The following RIPOR2 variants were observed in gnomAD, a reference collection of about 807,000 sequenced individuals.
The protein encoded by RIPOR2 is RHO family interacting cell polarization regulator 2, also known as rho family-interacting cell polarization regulator 2.
Under a neutral mutation model 114.5 loss-of-function variants are expected in RIPOR2, and 39 were observed. That is an observed-to-expected ratio of 0.34 (90% CI 0.26 to 0.44). The LOEUF is 0.44. RIPOR2 is among the 20% of genes least tolerant of loss of function. The pLI, the probability that RIPOR2 is intolerant of heterozygous loss-of-function variation, is 1.00. For missense variants in RIPOR2, 1,007 were observed against 1,255.1 expected (o/e 0.80, Z 2.99); for synonymous variants, 445 against 484.4 (o/e 0.92, Z 1.07).
intron 2 of RIPOR2, among the ~76,000 whole-genome samples, chr6:24,875,176 C>T (rs1480383492): frequency 6.6e-6 from 1 of 152,198 alleles, no homozygotes; most frequent in Non-Finnish European, 1.5e-5. Context: ...AACAGAAAAA[C>T]TGAAGATAAA....
Position 24,843,364 on chromosome 6 carries a change from G to C in RIPOR2, c.1355C>G (p.Ser452Cys). ...GGTGTCATCCATACCCTCATTCTGG[G>C]AGGCCAAGCTGCTGAGGTTAAACTC... is the stretch of plus-strand genomic sequence containing the variant. ...PAEFNLSSLASQNEGMDDTSS... is the reference protein window; with the variant it reads ...PAEFNLSSLACQNEGMDDTSS... The change falls in exon 13 of 22, where the codon TCC (serine) becomes TGC (cysteine). Residue 452 changes from serine (S) to cysteine (C), a missense_variant. Coordinates refer to ENST00000643898, the MANE Select transcript of RIPOR2 (RefSeq NM_001286445.3). The C allele has an allele frequency of 6.2e-7, 1 of 1,613,940 alleles. No homozygotes were observed. Among genetic ancestry groups the C allele is most frequent in the Non-Finnish European group, 8.5e-7 (1 of 1,179,888 alleles).
chr6:24,884,252 A>G (rs1766604406), intron 1 of RIPOR2, among the ~76,000 whole-genome samples: 1 of 151,946 alleles, frequency 6.6e-6, no homozygotes, highest in Admixed American at 6.6e-5. Flanking sequence ...TACTAAAAAT[A>G]CAAAAAATTA....
chr6:24,832,638 A>G (rs563220297), intron 15 of RIPOR2, among the ~76,000 whole-genome samples: 1 of 152,300 alleles, frequency 6.6e-6, no homozygotes, highest in East Asian at 1.9e-4. Context: ...TAGGTCTACA[A>G]GGTTATTATA....
intron 1 of RIPOR2, among the ~76,000 whole-genome samples, chr6:24,963,536 CAT>C (rs1432710406): frequency 6.6e-6 from 1 of 152,038 alleles, no homozygotes; most frequent in African/African-American, 2.4e-5. Flanking sequence ...GAAATGGACA[CAT>C]ATATGTACAT....
chr6:24,884,868 A>G (rs1023955420), intron 1 of RIPOR2, among the ~76,000 whole-genome samples: 1 of 152,246 alleles, frequency 6.6e-6, no homozygotes, highest in Non-Finnish European at 1.5e-5. Flanking sequence ...GCTTTACAAA[A>G]GGCAAAGTGC....
At chr6:24,948,126 G>T (rs993555400) in intron 1 of RIPOR2, 2 of 152,136 alleles carry the variant, frequency 1.3e-5, no homozygotes, top group Non-Finnish European at 2.9e-5. Context: ...AACAGATGAG[G>T]TTAACAACCC....
intron 1 of RIPOR2, among the ~76,000 whole-genome samples, chr6:25,001,097 T>C (rs1775292822): frequency 6.6e-6 from 1 of 152,244 alleles, no homozygotes; most frequent in African/African-American, 2.4e-5. Flanking sequence ...TACATATACA[T>C]GCACATATAT....
intron 6 of RIPOR2, among the ~76,000 whole-genome samples, chr6:24,867,191 G>A (rs192949634): frequency 2.0e-5 from 3 of 152,334 alleles, no homozygotes; most frequent in South Asian, 2.1e-4. Flanking sequence ...AATCTTCAGG[G>A]TCAGTGGATT....
intron 1 of RIPOR2, among the ~76,000 whole-genome samples, chr6:25,016,154 G>A (rs111722453): frequency 0.011 from 1,652 of 151,976 alleles, 40 homozygotes; most frequent in African/African-American, 0.038. Context: ...TGATTCACCC[G>A]CCTCGGGCTC....
At chr6:24,870,787 G>A (rs1581663498) in intron 5 of RIPOR2, 79 bp downstream of exon 5, 2 of 1,032,788 alleles carry the variant, frequency 1.9e-6, no homozygotes, top group Non-Finnish European at 2.9e-6. Context: ...GTGCTGGGAT[G>A]ACAGGCGTGA....
At chr6:25,015,895 G>GTTTTTT (rs1561844639) in intron 1 of RIPOR2, 4 of 16,452 alleles carry the variant, frequency 2.4e-4, no homozygotes, top group African/African-American at 5.9e-4. Flanking sequence ...CAGGTTTTTT[G>GTTTTTT]GTTTTTTTTT....
intron 1 of RIPOR2, among the ~76,000 whole-genome samples, chr6:24,918,063 C>A (rs768842941): frequency 2.0e-4 from 31 of 152,204 alleles, no homozygotes; most frequent in Non-Finnish European, 2.9e-5. Context: ...CCTGTAGGGA[C>A]CACGTCAGTG....
Position 24,849,755 on chromosome 6 carries a change from C to A in RIPOR2, c.1034+47G>T. On this transcript the variant is annotated intron_variant, in intron 11 of 21. Coordinates refer to ENST00000643898, the MANE Select transcript of RIPOR2 (RefSeq NM_001286445.3). ...TGCACCAGCTTTGAGTAGCACTAGC[C>A]GGTATCAGATATTTCTATATGATGA... 4.6e-6 allele frequency: 7 copies of A among 1,537,300 alleles called. No homozygotes were observed. In the African/African-American group the frequency reaches 6.8e-5, roughly 15 times the overall value.
intron 19 of RIPOR2, among the ~76,000 whole-genome samples, chr6:24,819,142 G>T (rs906245720): frequency 6.6e-6 from 1 of 152,040 alleles, no homozygotes; most frequent in Non-Finnish European, 1.5e-5. Flanking sequence ...ATAAAATTGG[G>T]AGAGAGTTAT....
intron 14 of RIPOR2, among the ~76,000 whole-genome samples, chr6:24,837,475 G>A (rs1379785102): frequency 6.6e-6 from 1 of 151,678 alleles, no homozygotes; most frequent in Non-Finnish European, 1.5e-5. Context: ...GAGTGCTGTG[G>A]TACAATCTCA....
intron 1 of RIPOR2, among the ~76,000 whole-genome samples, chr6:25,032,544 A>G (rs1434981392): frequency 6.6e-6 from 1 of 152,120 alleles, no homozygotes; most frequent in Non-Finnish European, 1.5e-5. Flanking sequence ...CCCTTCAAAG[A>G]GTATGTGAGG....
At chr6:24,895,810 G>A (rs1242387326) in intron 1 of RIPOR2, among the ~76,000 whole-genome samples, 1 of 152,076 alleles carries the variant, frequency 6.6e-6, no homozygotes, top group African/African-American at 2.4e-5. Flanking sequence ...CCAACACGGT[G>A]AAACCCTGTC....
intron 1 of RIPOR2, among the ~76,000 whole-genome samples, chr6:24,885,957 T>C (rs1766795002): frequency 2.6e-5 from 4 of 152,190 alleles, no homozygotes; most frequent in Non-Finnish European, 1.5e-5. Context: ...ACTATAAATA[T>C]GAGTACCTGG....
intron 1 of RIPOR2, chr6:24,910,822 C>T: frequency 1.0e-6 from 1 of 985,498 alleles, no homozygotes; most frequent in Non-Finnish European, 1.2e-6. Flanking sequence ...ACCTACCTAA[C>T]GACGACGGCT....
Sources: allele counts gnomAD v4.1 joint callset (sites outside exome capture counted in the v4.1 genomes callset), GRCh38; gene constraint gnomAD v4.1.1; transcripts MANE v1.5; gene names NCBI Gene and HGNC (gene_info 2026-07-23, HGNC 2026-07-21).